PRSS55: variants seen among roughly 807,000 people sequenced by gnomAD.
The protein encoded by PRSS55 is probable serine protease UNQ9391/PRO34284.
Under a neutral mutation model 23.6 loss-of-function variants are expected in PRSS55, and 41 were observed. That is an observed-to-expected ratio of 1.74 (90% CI 1.35 to 2.26). The LOEUF is 2.26. Ranked by LOEUF, PRSS55 falls within the 30% of genes most tolerant of loss-of-function variation. PRSS55 has a pLI of 0.00. For synonymous variants in PRSS55, 262 were observed against 175.5 expected (o/e 1.49, Z -3.90); for missense variants, 669 against 439.1 (o/e 1.52, Z -4.68).
intron 4 of PRSS55, among the ~76,000 whole-genome samples, chr8:10,533,329 A>C (rs975449175): frequency 6.6e-6 from 1 of 152,206 alleles, no homozygotes; most frequent in Non-Finnish European, 1.5e-5. Context: ...ATTTCTGGGA[A>C]TTCTTTTTAA....
rs1487394154 is a variant in PRSS55 at position 10,538,558 on chromosome 8, G to A, written c.824G>A (p.Ser275Asn). ...YQVGIISWGK[S>N]CGEKNTPGIY... is the part of the protein sequence containing the mutation. Reference sequence around the variant, plus strand: ...GTGGGCATCATAAGCTGGGGAAAGAGCTGTGGAGAGAAGAACACCCCAGGG... The same window carrying A: ...GTGGGCATCATAAGCTGGGGAAAGAACTGTGGAGAGAAGAACACCCCAGGG... The change falls in exon 5 of 5, where the codon AGC becomes AAC. Residue 275 changes from serine to asparagine, a missense_variant. Ser to Asn is a conservative substitution (Grantham distance 46). Transcript: ENST00000328655. The A allele has an allele frequency of 2.5e-6, 4 of 1,614,188 alleles. No individual in the cohort carries two copies. The highest frequency in any genetic ancestry group is 3.3e-5 in the Admixed American group (2 of 60,028).
exon 5 of PRSS55, chr8:10,553,946 A>C (rs981078101): frequency 6.6e-7 from 1 of 1,515,972 alleles, no homozygotes; most frequent in Non-Finnish European, 8.8e-7. Context: ...TTTAAAGCAA[A>C]GCTATTTTCC....
At chr8:10,537,476 G>T (rs1313581892) in intron 4 of PRSS55, among the ~76,000 whole-genome samples, 1 of 152,266 alleles carries the variant, frequency 6.6e-6, no homozygotes, top group Non-Finnish European at 1.5e-5. Context: ...AGCAGGTGGG[G>T]ACTCCAGTTA....
chr8:10,539,574 C>T (rs539342378), downstream of PRSS55, among the ~76,000 whole-genome samples: 3 of 152,294 alleles, frequency 2.0e-5, no homozygotes, highest in East Asian at 3.9e-4. Context: ...ATAATTCCCA[C>T]GTGTTGTGGG....
intron 4 of PRSS55, among the ~76,000 whole-genome samples, chr8:10,546,870 A>C (rs756763746): frequency 2.0e-5 from 3 of 151,672 alleles, no homozygotes; most frequent in Non-Finnish European, 4.4e-5. Context: ...TTGTAGATAC[A>C]AGTTCCCCCT....
chr8:10,551,881 C>T (rs1259083157), intron 4 of PRSS55, among the ~76,000 whole-genome samples: 1 of 152,234 alleles, frequency 6.6e-6, no homozygotes, highest in Non-Finnish European at 1.5e-5. Flanking sequence ...CCAACAAATT[C>T]TTCCAAAAGC....
rs1034175432 is a variant in PRSS55 at position 10,549,692 on chromosome 8, A to C, written c.742-4251A>C. ...CTTCCTGACGTCGGTTCCAACGCTC[A>C]GTGCCCCTTTTCAGCTGTGTCTCTC... On this transcript the variant is annotated intron_variant, in intron 4 of 4. Coordinates refer to the PRSS55 transcript ENST00000522210. 5.9e-5 allele frequency among the ~76,000 whole-genome samples: 9 copies of C among 152,332 alleles called. No individual in the cohort carries two copies. In the East Asian group the frequency reaches 1.7e-3, roughly 29 times the overall value.
rs779891576 is a variant in PRSS55 at position 10,525,677 on chromosome 8, T to C, written c.92T>C (p.Ile31Thr). The change falls in exon 1 of 5, where the codon ATC becomes ACC. Residue 31 changes from isoleucine to threonine, a missense_variant. By Grantham distance (89) the Ile-to-Thr change is moderately conservative. Transcript: ENST00000328655. Reference protein sequence around the residue: ...RTPLPEAGVAILGRARGAHRP... With the variant: ...RTPLPEAGVATLGRARGAHRP... ...CCTCTCCCAGAGGCTGGAGTGGCTA[T>C]CCTAGGCAGGGCTAGGGGAGCCCAC... is the stretch of plus-strand genomic sequence containing the variant. 1.2e-6 allele frequency: 2 copies of C among 1,614,034 alleles called. No individual in the cohort carries two copies.
chr8:10,531,182 G>T (rs1012018077), intron 2 of PRSS55, 113 bp from the exon 3 acceptor site: 154 of 1,325,288 alleles, frequency 1.2e-4, no homozygotes, highest in Non-Finnish European at 1.6e-4. Flanking sequence ...CCCCAGTAGG[G>T]TTTAAAGGTC....
intron 4 of PRSS55, among the ~76,000 whole-genome samples, chr8:10,553,066 A>C (rs1812985722): frequency 6.6e-6 from 1 of 152,160 alleles, no homozygotes; most frequent in African/African-American, 2.4e-5. Context: ...CATAATTCTC[A>C]ACTGTAGAGG....
At position 10,529,623 on chromosome 8, in the gene PRSS55, C is replaced by A. The variant is rs1481458886; in HGVS notation, c.271C>A (p.Pro91Thr). Residue 91 changes from proline to threonine, a missense_variant, in exon 2 of 5, where the codon CCT becomes ACT. Coordinates refer to ENST00000328655, the MANE Select transcript of PRSS55 (RefSeq NM_198464.4). ...GGTGAGTATTCAGGCAAGAAGTGAA[C>A]CTTTCTGTGGCGGCTCCATCCTCAA... ...WQVSIQARSE[P>T]FCGGSILNKW... 6.2e-7 allele frequency: 1 copy of A among 1,614,146 alleles called. No individual in the cohort carries two copies. Among genetic ancestry groups the A allele is most frequent in the Admixed American group, 1.7e-5 (1 of 60,030 alleles).
At chr8:10,538,968 G>A (rs1391741177), downstream of PRSS55, 2 of 542,366 alleles carry the variant, frequency 3.7e-6, no homozygotes, top group Non-Finnish European at 3.1e-6. Context: ...CTGTGGATTA[G>A]TCAGGACTTT....
downstream of PRSS55, among the ~76,000 whole-genome samples, chr8:10,543,463 C>CCTTCCCTCCTTCCTTCCTTCCTTCCTTT (rs71203336): frequency 2.0e-5 from 1 of 49,680 alleles, no homozygotes; most frequent in East Asian, 5.6e-4. Context: ...TTCCTTCCTT[C>CCTTCCCTCCTTCCTTCCTTCCTTCCTTT]CTTTCTTTCT....
At chr8:10,542,324 A>G (rs563810593), downstream of PRSS55, among the ~76,000 whole-genome samples, 119 of 151,398 alleles carry the variant, frequency 7.9e-4, no homozygotes, top group Non-Finnish European at 1.5e-3. Flanking sequence ...TCTGTTGGAC[A>G]TGGAGTTGAC....
At chr8:10,552,892 T>C (rs1396610248) in intron 4 of PRSS55, among the ~76,000 whole-genome samples, 2 of 152,206 alleles carry the variant, frequency 1.3e-5, no homozygotes, top group East Asian at 1.9e-4. Flanking sequence ...AGAACTACCA[T>C]ATCATCCTGC....
chr8:10,551,646 G>A (rs1450423309), intron 4 of PRSS55, among the ~76,000 whole-genome samples: 1 of 152,242 alleles, frequency 6.6e-6, no homozygotes, highest in Non-Finnish European at 1.5e-5. Context: ...TGACCGATGT[G>A]CCAATGACAG....
intron 3 of PRSS55, among the ~76,000 whole-genome samples, chr8:10,532,193 G>A (rs1585872499): frequency 6.6e-6 from 1 of 152,166 alleles, no homozygotes; most frequent in South Asian, 2.1e-4. Context: ...CTGGACAACC[G>A]TGGGTGTTTC....
intron 4 of PRSS55, among the ~76,000 whole-genome samples, chr8:10,544,636 A>G (rs962796110): frequency 6.6e-6 from 1 of 152,206 alleles, no homozygotes; most frequent in Non-Finnish European, 1.5e-5. Context: ...TTTCTAGTGT[A>G]GCATTTTAAT....
intron 4 of PRSS55, among the ~76,000 whole-genome samples, chr8:10,545,792 C>T (rs1364258332): frequency 6.6e-6 from 1 of 152,240 alleles, no homozygotes; most frequent in Non-Finnish European, 1.5e-5. Context: ...CGTCCTAGCC[C>T]AGAATAGCTT....
Sources: allele counts gnomAD v4.1 joint callset (sites outside exome capture counted in the v4.1 genomes callset), GRCh38; gene constraint gnomAD v4.1.1; transcripts MANE v1.5; gene names NCBI Gene and HGNC (gene_info 2026-07-23, HGNC 2026-07-21).